TTC7B: variants seen among roughly 807,000 people sequenced by gnomAD.
The protein encoded by TTC7B is tetratricopeptide repeat domain 7B, also known as tetratricopeptide repeat protein 7B.
A neutral mutation model predicts 106.8 loss-of-function variants in TTC7B; 28 were observed. The observed-to-expected ratio is 0.26, with a 90% confidence interval of 0.19 to 0.36. The LOEUF (loss-of-function observed/expected upper bound fraction) is 0.36. Ranked by LOEUF, TTC7B falls within the 10% of genes least tolerant of loss-of-function variation. The probability of loss-of-function intolerance (pLI) is 1.00; values close to 1 mark genes in which losing one functional copy is unlikely to be tolerated. For synonymous variants in TTC7B, 405 were observed against 430.6 expected, an observed-to-expected ratio of 0.94 and a Z score of 0.74; for missense variants, 862 against 1,076.4, an observed-to-expected ratio of 0.80 and a Z score of 2.79.
chr14:90,712,098 G>A (rs558589183), intron 5 of TTC7B, among the ~76,000 whole-genome samples: 5 of 152,288 alleles, frequency 3.3e-5, no homozygotes, highest in South Asian at 2.1e-4. Context: ...GAGAAGTAGT[G>A]TGGCTATATT....
intron 9 of TTC7B, among the ~76,000 whole-genome samples, chr14:90,670,924 C>G (rs1886608297): frequency 6.6e-6 from 1 of 152,158 alleles, no homozygotes; most frequent in Admixed American, 6.5e-5. Flanking sequence ...CCTTGCACAT[C>G]TAGGGACCTC....
chr14:90,726,358 C>T (rs150814727), intron 5 of TTC7B, among the ~76,000 whole-genome samples: 1 of 152,152 alleles, frequency 6.6e-6, no homozygotes, highest in Non-Finnish European at 1.5e-5. Flanking sequence ...TGGTTATGCA[C>T]CTTGAGCAGC....
At chr14:90,580,075 A>G (rs1042976015) in intron 18 of TTC7B, among the ~76,000 whole-genome samples, 1 of 152,164 alleles carries the variant, frequency 6.6e-6, no homozygotes, top group Non-Finnish European at 1.5e-5. Context: ...CCCAACAGGC[A>G]GCCAGGCCGA....
In TTC7B at chr14:90,532,860, C is replaced by T. The variant is rs1441037522; in HGVS notation, c.*8508G>A. On this transcript the variant is annotated 3_prime_UTR_variant, in exon 20 of 20. Coordinates refer to ENST00000328459, the MANE Select transcript of TTC7B (RefSeq NM_001010854.2). ...TCCATGGGCTTGGGGAGGTCATTTTCCTGGTAGCTGTGCCTTCCTGGGTAC... is the reference window on the plus strand; with the variant it reads ...TCCATGGGCTTGGGGAGGTCATTTTTCTGGTAGCTGTGCCTTCCTGGGTAC... 6.6e-6 allele frequency: 1 copy of T among 152,180 alleles called. No individual in the cohort carries two copies. Among genetic ancestry groups the T allele is most frequent in the Non-Finnish European group, 1.5e-5 (1 of 68,066 alleles). The allele number at this position is 152,180 out of a possible 1,614,324, so 9.4% of individuals were successfully genotyped here.
At chr14:90,602,217 G>T (rs910534416) in intron 17 of TTC7B, 1 of 456,026 alleles carries the variant, frequency 2.2e-6, no homozygotes, top group East Asian at 6.9e-5. Context: ...TGGAAAAAAC[G>T]ATTACATTAG....
intron 15 of TTC7B, among the ~76,000 whole-genome samples, chr14:90,635,987 G>A (rs1370735491): frequency 1.3e-5 from 2 of 151,244 alleles, no homozygotes; most frequent in East Asian, 2.0e-4. Context: ...TGGGTGTGGT[G>A]GTGCGCACCT....
rs1460712332 is a variant in TTC7B, at chr14:90,802,815, G to T, written c.121+13360C>A. 6.6e-6 allele frequency among the ~76,000 whole-genome samples: 1 copy of T among 152,080 alleles called. No individual in the cohort carries two copies. The highest frequency in any genetic ancestry group is 2.4e-5 in the African/African-American group (1 of 41,432). Reference sequence around the variant, plus strand: ...GGCAGGGACACTGTCAAGCAGCGGGGTTAGAAGAGAAGGGCACACACCTCT... The same window carrying T: ...GGCAGGGACACTGTCAAGCAGCGGGTTTAGAAGAGAAGGGCACACACCTCT... On this transcript the variant is annotated intron_variant, in intron 1 of 19. Coordinates refer to ENST00000328459, the MANE Select transcript of TTC7B (RefSeq NM_001010854.2). The surrounding 1 kb of genome is among the most constrained non-coding windows in gnomAD (Gnocchi z 4.7).
intron 3 of TTC7B, chr14:90,766,901 G>A (rs576579073): frequency 3.2e-6 from 5 of 1,567,974 alleles, no homozygotes; most frequent in African/African-American, 2.7e-5. Context: ...AGAGGGCTGT[G>A]CCACTCCTGG....
chr14:90,796,108 G>A (rs1324534195), intron 1 of TTC7B, among the ~76,000 whole-genome samples: 9 of 152,114 alleles, frequency 5.9e-5, no homozygotes, highest in Non-Finnish European at 1.0e-4. Context: ...TCCAGAAGGG[G>A]CCCAGCTTCC....
At chr14:90,573,773 C>T (rs1891146035) in intron 19 of TTC7B, among the ~76,000 whole-genome samples, 1 of 152,262 alleles carries the variant, frequency 6.6e-6, no homozygotes, top group Non-Finnish European at 1.5e-5. Flanking sequence ...GCTTCTGCTT[C>T]ACACCTTTTC....
At chr14:90,787,531 T>A (rs911538568) in intron 1 of TTC7B, among the ~76,000 whole-genome samples, 1 of 152,210 alleles carries the variant, frequency 6.6e-6, no homozygotes, top group East Asian at 1.9e-4. Context: ...ACTTTAGCTT[T>A]GTCTTTAACA....
chr14:90,731,861 A>T (rs548306360), intron 4 of TTC7B, among the ~76,000 whole-genome samples: 10 of 152,194 alleles, frequency 6.6e-5, no homozygotes, highest in Non-Finnish European at 1.5e-4. Context: ...TTTCCAACTC[A>T]CATATCCAAC....
Position 90,807,824 on chromosome 14 carries a change from CAT to C in TTC7B, c.121+8349_121+8350del. On this transcript the variant is annotated intron_variant, in intron 1 of 19. Coordinates refer to ENST00000328459, the MANE Select transcript of TTC7B (RefSeq NM_001010854.2). This position sits in a 1 kb window ranked among gnomAD's most constrained non-coding sequence, Gnocchi z 4.1. ...TTAGTATTTGGCTCAAAGCATGCTG[CAT>C]ACCTGCAACACTGGGAGCTTAAGAA... Among the ~76,000 whole-genome samples, 1 of 152,194 alleles carries C rather than the reference CAT, an allele frequency of 6.6e-6. No homozygotes were observed. Among genetic ancestry groups the C allele is most frequent in the Admixed American group, 6.5e-5 (1 of 15,272 alleles).
chr14:90,652,929 T>C (rs1555385943), intron 12 of TTC7B, 31 bp from the exon 13 acceptor site: 6 of 1,612,420 alleles, frequency 3.7e-6, no homozygotes, highest in South Asian at 3.3e-5. Flanking sequence ...GTCAGTGGCA[T>C]GGGGGATCAG....
At chr14:90,707,546 A>G (rs1402684412) in intron 5 of TTC7B, among the ~76,000 whole-genome samples, 3 of 152,370 alleles carry the variant, frequency 2.0e-5, no homozygotes, top group African/African-American at 7.2e-5. Flanking sequence ...TCAAGTTGAA[A>G]ATGCAAAGGA....
intron 1 of TTC7B, among the ~76,000 whole-genome samples, chr14:90,813,524 C>A (rs887434258): frequency 6.6e-6 from 1 of 152,084 alleles, no homozygotes; most frequent in Non-Finnish European, 1.5e-5. Context: ...CATAACAACC[C>A]CTGCAAGGTA....
chr14:90,706,304 A>G (rs1888210123), intron 5 of TTC7B, among the ~76,000 whole-genome samples: 1 of 151,822 alleles, frequency 6.6e-6, no homozygotes, highest in African/African-American at 2.4e-5. Context: ...CTGGGACTAC[A>G]GGCACCTGCC....
At chr14:90,629,063 G>A (rs1459827457) in intron 15 of TTC7B, among the ~76,000 whole-genome samples, 1 of 152,260 alleles carries the variant, frequency 6.6e-6, no homozygotes, top group Non-Finnish European at 1.5e-5. Flanking sequence ...CACCATGCCT[G>A]GCTGAAAGCA....
chr14:90,560,269 T>A (rs1403901536), intron 19 of TTC7B, among the ~76,000 whole-genome samples: 1 of 152,196 alleles, frequency 6.6e-6, no homozygotes, highest in African/African-American at 2.4e-5. Flanking sequence ...CATGGCCGAT[T>A]CCAAGCTACC....
Sources: gnomAD v4.1 joint callset for allele counts (sites outside exome capture counted in the v4.1 genomes callset) on GRCh38, gnomAD v4.1.1 for gene constraint, Gnocchi (gnomAD v3.1) non-coding constraint, MANE v1.5 for transcripts, NCBI Gene and HGNC (gene_info 2026-07-23, HGNC 2026-07-21) for gene names.